Variants in ITGAE observed in about 807,000 individuals in gnomAD.
ITGAE encodes the protein integrin alpha-E.
A neutral mutation model predicts 136.5 loss-of-function variants in ITGAE; 99 were observed. That is an observed-to-expected ratio of 0.73 (90% CI 0.62 to 0.86). ITGAE has a LOEUF of 0.86. ITGAE is among the 40% of genes least tolerant of loss of function. The pLI is 0.00. For missense variants in ITGAE, 1,447 were observed against 1,515.3 expected (o/e 0.95, Z 0.75); for synonymous variants, 613 against 591.8 (o/e 1.04, Z -0.52).
intron 26 of ITGAE, chr17:3,724,192 G>T (rs1283990799): frequency 6.3e-7 from 1 of 1,592,114 alleles, no homozygotes; most frequent in East Asian, 2.2e-5. Flanking sequence ...CCCGGCGGCC[G>T]AGTGCCCAAG....
intron 8 of ITGAE, among the ~76,000 whole-genome samples, chr17:3,758,139 A>C (rs1427247151): frequency 6.6e-6 from 1 of 152,186 alleles, no homozygotes; most frequent in African/African-American, 2.4e-5. Flanking sequence ...TGATATTAAA[A>C]CGATAGATAA....
intron 19 of ITGAE, among the ~76,000 whole-genome samples, chr17:3,742,295 T>C (rs1204892894): frequency 6.6e-6 from 1 of 152,210 alleles, no homozygotes; most frequent in Non-Finnish European, 1.5e-5. Flanking sequence ...ACCTTTTTTT[T>C]CTTTTGCTAT....
chr17:3,717,792 G>A (rs375102335), intron 29 of ITGAE: 1 of 152,128 alleles, frequency 6.6e-6, no homozygotes, highest in Non-Finnish European at 1.5e-5. Flanking sequence ...AACTAAATAG[G>A]AGTGAAGTCC....
rs112486199 is a variant in ITGAE at position 3,758,896 on chromosome 17, C to T, written c.866+506G>A. ...ATCCCAGCACTTTGGGAGGCCGAGG[C>T]GGGCGGATCACGAGGTCAGGAGATC... On this transcript the variant is annotated intron_variant, in intron 8 of 30. Transcript: ENST00000263087. 1.9e-3 allele frequency among the ~76,000 whole-genome samples: 281 copies of T among 151,074 alleles called. 2 individuals carry two copies. The highest frequency in any genetic ancestry group is 6.3e-3 in the African/African-American group (258 of 41,252).
intron 14 of ITGAE, among the ~76,000 whole-genome samples, 162 bp from the exon 15 acceptor site, chr17:3,752,036 A>G (rs1312736116): frequency 6.7e-6 from 1 of 150,352 alleles, no homozygotes; most frequent in Non-Finnish European, 1.5e-5. Flanking sequence ...GCCACCCAGG[A>G]TGCACGCTCA....
At chr17:3,745,327 C>T (rs116854674) in intron 18 of ITGAE, among the ~76,000 whole-genome samples, 1,962 of 152,126 alleles carry the variant, frequency 0.013, 14 homozygotes, top group Non-Finnish European at 0.022. Context: ...CGTGCCATTA[C>T]GTGGTTCTTG....
chr17:3,754,224 C>T (rs2051945455), intron 12 of ITGAE, among the ~76,000 whole-genome samples: 2 of 152,074 alleles, frequency 1.3e-5, no homozygotes, highest in Admixed American at 6.6e-5. Context: ...CCTAGGAGGA[C>T]GGAGAAGAGG....
chr17:3,785,415 G>A (rs1371074508), intron 1 of ITGAE, among the ~76,000 whole-genome samples: 1 of 151,782 alleles, frequency 6.6e-6, no homozygotes, highest in Admixed American at 6.6e-5. Flanking sequence ...GTTGCAGTGA[G>A]CCGAGATCGT....
chr17:3,754,984 C>T (rs1473216110), intron 12 of ITGAE, 133 bp downstream of exon 12: 4 of 1,136,276 alleles, frequency 3.5e-6, no homozygotes, highest in African/African-American at 1.7e-5. Flanking sequence ...CCAGGTAGCC[C>T]CCAGGCCCCA....
intron 22 of ITGAE, 55 bp downstream of exon 22, chr17:3,732,305 CAAGATGCA>C: frequency 8.2e-7 from 1 of 1,226,578 alleles, no homozygotes; most frequent in Non-Finnish European, 1.2e-6. Context: ...GAGATGAGAC[CAAGATGCA>C]GAAGACGCCA....
chr17:3,756,897 C>T (rs1409184663), intron 10 of ITGAE, 87 bp downstream of exon 10: 11 of 1,437,070 alleles, frequency 7.7e-6, no homozygotes, highest in Non-Finnish European at 1.0e-5. Context: ...GGGAGTTGCT[C>T]AGAGAAACCA....
intron 8 of ITGAE, among the ~76,000 whole-genome samples, chr17:3,758,081 G>A (rs1344364654): frequency 6.6e-6 from 1 of 152,158 alleles, no homozygotes; most frequent in Non-Finnish European, 1.5e-5. Flanking sequence ...CCAGCAGGAA[G>A]GTACTGCCTG....
At position 3,726,250 on chromosome 17, in the gene ITGAE, G is replaced by A. The variant is rs377716855; in HGVS notation, c.3084+1669C>T. 7 of 1,614,036 alleles carry A rather than the reference G, an allele frequency of 4.3e-6. No individual in the cohort carries two copies. In the African/African-American group the frequency reaches 9.3e-5, roughly 22 times the overall value. ...ACTCCTGCCATGAAGCAAATTAAGA[G>A]AAAAATCCAGGAGTTCCACAGGACA... On this transcript the variant is annotated intron_variant, in intron 26 of 30. Coordinates refer to ENST00000263087, the MANE Select transcript of ITGAE (RefSeq NM_002208.5).
At chr17:3,759,703 G>T in intron 7 of ITGAE, 150 bp from the exon 8 acceptor site, 6 of 881,052 alleles carry the variant, frequency 6.8e-6, no homozygotes, top group Non-Finnish European at 8.6e-6. Context: ...ATCTCTAAGC[G>T]AGTAGGGGTG....
At chr17:3,724,645 C>G (rs2051162742) in intron 26 of ITGAE, 1 of 1,614,094 alleles carries the variant, frequency 6.2e-7, no homozygotes. Context: ...GTCCACCAAA[C>G]CCGCGCCAGC....
intron 22 of ITGAE, among the ~76,000 whole-genome samples, chr17:3,731,525 A>C (rs2051344048): frequency 1.3e-5 from 2 of 151,538 alleles, no homozygotes; most frequent in African/African-American, 4.8e-5. Context: ...TATTCTTAGT[A>C]GAGACGGGGT....
intron 26 of ITGAE, among the ~76,000 whole-genome samples, chr17:3,727,510 C>T (rs1272121111): frequency 2.0e-5 from 3 of 151,954 alleles, no homozygotes; most frequent in Non-Finnish European, 4.4e-5. Flanking sequence ...CACCATTCTC[C>T]TGCCTCAGCC....
chr17:3,718,255 G>A (rs1204584098), intron 29 of ITGAE: 4 of 152,240 alleles, frequency 2.6e-5, no homozygotes, highest in Non-Finnish European at 5.9e-5. Flanking sequence ...ATGTCTCCTG[G>A]GAGCTTTTGG....
intron 1 of ITGAE, among the ~76,000 whole-genome samples, chr17:3,779,559 C>A (rs2143332744): frequency 1.3e-5 from 2 of 152,216 alleles, no homozygotes; most frequent in African/African-American, 4.8e-5. Flanking sequence ...GAACTCCTGA[C>A]CTCAAGTGAT....
Sources: allele counts gnomAD v4.1 joint callset (sites outside exome capture counted in the v4.1 genomes callset), GRCh38; gene constraint gnomAD v4.1.1; transcripts MANE v1.5; gene names NCBI Gene and HGNC (gene_info 2026-07-23, HGNC 2026-07-21).